The following CDH13 variants were observed in gnomAD, a reference collection of about 807,000 sequenced individuals.
CDH13 encodes the protein cadherin 13.
A neutral mutation model predicts 63.8 loss-of-function variants in CDH13; 24 were observed. The ratio of observed to expected loss-of-function variants is 0.38; its 90% CI spans 0.27 to 0.53. The LOEUF (loss-of-function observed/expected upper bound fraction) is 0.53. Among genes scored for constraint, CDH13 ranks in the 20% least tolerant of loss-of-function variants. The pLI, the probability that CDH13 is intolerant of heterozygous loss-of-function variation, is 0.85. For missense variants in CDH13, 1,049 were observed against 903.1 expected (o/e 1.16, Z -2.07); for synonymous variants, 503 against 355.3 (o/e 1.42, Z -4.67).
chr16:83,366,870 G>A (rs560179713), intron 6 of CDH13, among the ~76,000 whole-genome samples: 7 of 152,206 alleles, frequency 4.6e-5, no homozygotes, highest in South Asian at 2.1e-4. Context: ...CATACTGTGC[G>A]TAAGTTATGC....
chr16:83,107,011 A>G (rs1283114551), intron 3 of CDH13, among the ~76,000 whole-genome samples: 1 of 152,142 alleles, frequency 6.6e-6, no homozygotes, highest in Non-Finnish European at 1.5e-5. Context: ...AAGTGCATGC[A>G]CACCCCACAC....
chr16:83,409,528 A>G (rs2092096524), intron 6 of CDH13, among the ~76,000 whole-genome samples: 1 of 152,242 alleles, frequency 6.6e-6, no homozygotes, highest in African/African-American at 2.4e-5. Context: ...GGAGGCACCT[A>G]GGTGATGTGA....
chr16:83,751,584 G>A (rs539193161), intron 11 of CDH13, among the ~76,000 whole-genome samples: 22 of 152,222 alleles, frequency 1.4e-4, no homozygotes, highest in Non-Finnish European at 2.4e-4. Flanking sequence ...CCAAGCCAAG[G>A]TAGTGAAGTT....
At chr16:83,419,183 C>G (rs2071640614) in intron 6 of CDH13, among the ~76,000 whole-genome samples, 1 of 152,100 alleles carries the variant, frequency 6.6e-6, no homozygotes, top group Admixed American at 6.6e-5. Flanking sequence ...CAGCTCCATC[C>G]CTATCGTGCC....
intron 13 of CDH13, among the ~76,000 whole-genome samples, chr16:83,789,352 TC>T (rs1567597845): frequency 4.0e-4 from 56 of 138,868 alleles, no homozygotes; most frequent in African/African-American, 1.4e-3. Flanking sequence ...TTTTTGTTTG[TC>T]TGTTTTGTTT....
intron 10 of CDH13, among the ~76,000 whole-genome samples, chr16:83,684,187 C>T (rs970904210): frequency 6.6e-5 from 10 of 151,952 alleles, no homozygotes; most frequent in Non-Finnish European, 1.0e-4. Context: ...GCCAACATGA[C>T]GAAACGCCAT....
intron 4 of CDH13, among the ~76,000 whole-genome samples, chr16:83,176,236 G>A (rs564563824): frequency 2.6e-4 from 40 of 151,970 alleles, no homozygotes; most frequent in African/African-American, 9.4e-4. Flanking sequence ...TTGTGGCTAC[G>A]CTTGGTGGCT....
intron 5 of CDH13, among the ~76,000 whole-genome samples, chr16:83,293,335 G>A (rs1259778230): frequency 6.6e-6 from 1 of 152,104 alleles, no homozygotes; most frequent in African/African-American, 2.4e-5. Context: ...CCTTCCCCAT[G>A]CCTTCTGGGG....
chr16:83,306,091 A>G lies in CDH13; in HGVS notation c.637-38771A>G, dbSNP rs540356779. ...AGATACCTGTAGCATTCTGCAGCCC[A>G]GGTTGTAATAACCAAAAATGTCTCC... On this transcript the variant is annotated intron_variant, in intron 5 of 13. Transcript: ENST00000567109. Among the ~76,000 whole-genome samples the G allele has an allele frequency of 3.9e-5, 6 of 152,254 alleles. No homozygotes were observed. In the South Asian group the frequency reaches 6.2e-4, roughly 16 times the overall value.
intron 2 of CDH13, among the ~76,000 whole-genome samples, chr16:83,024,407 G>A (rs1915612786): frequency 6.6e-6 from 1 of 152,144 alleles, no homozygotes; most frequent in Non-Finnish European, 1.5e-5. Context: ...TGGTATGAGA[G>A]GTGGCAATGA....
At chr16:83,487,573 G>A (rs984181864) in intron 7 of CDH13, among the ~76,000 whole-genome samples, 7 of 152,074 alleles carry the variant, frequency 4.6e-5, no homozygotes, top group South Asian at 2.1e-4. Flanking sequence ...GAAGACCCTC[G>A]CGGACCTCCA....
At position 83,602,466 on chromosome 16, in the gene CDH13, C is replaced by G. The variant is rs764203488; in HGVS notation, c.973C>G (p.Pro325Ala). 6 of 1,613,862 alleles carry G rather than the reference C, an allele frequency of 3.7e-6. No individual in the cohort carries two copies. In the African/African-American group the frequency reaches 5.3e-5, roughly 14 times the overall value. ...ALLDRETLENPKYELIIEAQD... is the reference protein window; with the variant it reads ...ALLDRETLENAKYELIIEAQD... ...TTGTGCTTTGTAGACTCTGGAAAAT[C>G]CCAAGTATGAACTGATCATCGAGGC... The change falls in exon 8 of 14, where the codon CCC becomes GCC. Residue 325 changes from proline (P) to alanine (A), a missense_variant. Transcript: ENST00000567109.
At chr16:82,927,504 C>A (rs1197342712) in intron 2 of CDH13, among the ~76,000 whole-genome samples, 2 of 152,124 alleles carry the variant, frequency 1.3e-5, no homozygotes, top group Admixed American at 6.5e-5. Context: ...TTAGAAGACC[C>A]AAAACAGATG....
chr16:83,217,374 C>T lies in CDH13; in HGVS notation c.513C>T (p.Ser171=). The T allele has an allele frequency of 6.2e-7, 1 of 1,613,928 alleles. No homozygotes were observed. The change falls in exon 5 of 14, where the codon TCC becomes TCT. Residue 171 remains serine, a synonymous_variant. Transcript: ENST00000567109. ...TCGATAGTGACAGGCCAGAAAGGTCCAAGTTCCGGCTCACTGGAAAGGGAG... is the reference window on the plus strand; with the variant it reads ...TCGATAGTGACAGGCCAGAAAGGTCTAAGTTCCGGCTCACTGGAAAGGGAG... ...KVVDSDRPER[S]KFRLTGKGVD... is the part of the protein sequence containing the mutation.
chr16:82,665,148 T>C (rs1372889961), intron 1 of CDH13, among the ~76,000 whole-genome samples: 1 of 152,190 alleles, frequency 6.6e-6, no homozygotes, highest in African/African-American at 2.4e-5. Flanking sequence ...CAAACAAATA[T>C]CCTTTTCATG....
chr16:82,990,880 A>C (rs1238712850), intron 2 of CDH13, among the ~76,000 whole-genome samples: 1 of 152,172 alleles, frequency 6.6e-6, no homozygotes, highest in East Asian at 1.9e-4. Flanking sequence ...ATCAGATTTC[A>C]GCACCAAGGC....
At chr16:82,734,608 T>A (rs983072018) in intron 1 of CDH13, among the ~76,000 whole-genome samples, 2 of 152,154 alleles carry the variant, frequency 1.3e-5, no homozygotes, top group African/African-American at 2.4e-5. Flanking sequence ...AGATGGAGTT[T>A]AGCATTCAGG....
chr16:82,807,186 A>G (rs1180330605), intron 1 of CDH13, among the ~76,000 whole-genome samples: 1 of 152,126 alleles, frequency 6.6e-6, no homozygotes, highest in African/African-American at 2.4e-5. Flanking sequence ...AATGTCATAT[A>G]AAAATGCAAT....
intron 11 of CDH13, among the ~76,000 whole-genome samples, chr16:83,757,637 G>A (rs1415993428): frequency 6.6e-6 from 1 of 151,650 alleles, no homozygotes; most frequent in Non-Finnish European, 1.5e-5. Context: ...TAAAAAGATT[G>A]AATAAAATTG....
Sources: allele counts gnomAD v4.1 joint callset (sites outside exome capture counted in the v4.1 genomes callset), GRCh38; gene constraint gnomAD v4.1.1; transcripts MANE v1.5; gene names NCBI Gene and HGNC (gene_info 2026-07-23, HGNC 2026-07-21).